FOXN2: variants seen among roughly 807,000 people sequenced by gnomAD.
The protein encoded by FOXN2 is forkhead box protein N2.
Under a neutral mutation model 41.2 loss-of-function variants are expected in FOXN2, and 19 were observed. The ratio of observed to expected loss-of-function variants is 0.46; its 90% CI spans 0.32 to 0.68. The LOEUF (loss-of-function observed/expected upper bound fraction) is 0.68, where lower values mean the gene tolerates loss of function less well. Ranked by LOEUF, FOXN2 falls within the 30% of genes least tolerant of loss-of-function variation. The probability of loss-of-function intolerance (pLI) is 0.03; values close to 1 mark genes in which losing one functional copy is unlikely to be tolerated. For synonymous variants in FOXN2, 195 were observed against 176.8 expected, an observed-to-expected ratio of 1.10 and a Z score of -0.82; for missense variants, 587 against 509.4, an observed-to-expected ratio of 1.15 and a Z score of -1.47.
intron 4 of FOXN2, among the ~76,000 whole-genome samples, chr2:48,362,358 G>A (rs1010660930): frequency 2.6e-5 from 4 of 152,144 alleles, no homozygotes; most frequent in Non-Finnish European, 5.9e-5. Flanking sequence ...TTGAGCCCAG[G>A]AGTTTGAGAC....
At chr2:48,316,872 T>C (rs1455902168) in intron 1 of FOXN2, among the ~76,000 whole-genome samples, 1 of 152,184 alleles carries the variant, frequency 6.6e-6, no homozygotes, top group Non-Finnish European at 1.5e-5. Flanking sequence ...GCACAAGAAC[T>C]GTATAGAGAA....
intron 5 of FOXN2, among the ~76,000 whole-genome samples, chr2:48,367,162 C>T (rs72820435): frequency 6.6e-6 from 1 of 152,172 alleles, no homozygotes; most frequent in Non-Finnish European, 1.5e-5. Flanking sequence ...TAATAGATAG[C>T]AGGAGACACA....
At chr2:48,350,137 C>T (rs777648023) in intron 3 of FOXN2, among the ~76,000 whole-genome samples, 1 of 152,228 alleles carries the variant, frequency 6.6e-6, no homozygotes, top group African/African-American at 2.4e-5. Context: ...CTTCAGTTGC[C>T]ATTTATCCAC....
intron 2 of FOXN2, among the ~76,000 whole-genome samples, chr2:48,338,534 C>G (rs981258224): frequency 1.3e-5 from 2 of 151,926 alleles, no homozygotes; most frequent in Non-Finnish European, 2.9e-5. Context: ...CCCCAGCAGC[C>G]GGGACCACAG....
At chr2:48,363,660 T>G (rs891943812) in intron 5 of FOXN2, among the ~76,000 whole-genome samples, 5 of 152,244 alleles carry the variant, frequency 3.3e-5, no homozygotes, top group Non-Finnish European at 5.9e-5. Context: ...CCCCCTTTTT[T>G]GTTCCCTGGC....
intron 3 of FOXN2, among the ~76,000 whole-genome samples, chr2:48,353,411 T>G (rs1216668962): frequency 6.6e-6 from 1 of 152,200 alleles, no homozygotes; most frequent in Non-Finnish European, 1.5e-5. Flanking sequence ...TGCTTTTTTG[T>G]ACTCATTTTG....
intron 3 of FOXN2, among the ~76,000 whole-genome samples, chr2:48,347,620 A>G (rs900734873): frequency 1.3e-5 from 2 of 152,062 alleles, no homozygotes; most frequent in Admixed American, 1.3e-4. Flanking sequence ...AGTGGTTGCT[A>G]TATGGTTTTC....
chr2:48,344,409 T>C (rs1230795254), intron 2 of FOXN2, among the ~76,000 whole-genome samples: 1 of 152,230 alleles, frequency 6.6e-6, no homozygotes, highest in Non-Finnish European at 1.5e-5. Flanking sequence ...ATGGGTGTTG[T>C]GTACATACTG....
Position 48,346,726 on chromosome 2 carries a change from A to G in FOXN2, c.512A>G (p.Gln171Arg), listed in dbSNP as rs1671128262. Residue 171 changes from glutamine (Q) to arginine (R), a missense_variant, in exon 3 of 7, where the codon CAG becomes CGG. By Grantham distance (43) the Gln-to-Arg change is conservative (BLOSUM62 1). Coordinates refer to ENST00000340553, the MANE Select transcript of FOXN2 (RefSeq NM_002158.4). Reference protein sequence around the residue: ...RHNLSLNKCFQKVERSHGKVN... With the variant: ...RHNLSLNKCFRKVERSHGKVN... The stretch of plus-strand genomic sequence containing the variant: ...AATCTGTCCCTGAATAAATGTTTTC[A>G]GAAAGTGGAAAGAAGCCATGGCAAG... The G allele has an allele frequency of 6.3e-7, 1 of 1,594,194 alleles. No homozygotes were observed. The highest frequency in any genetic ancestry group is 8.5e-7 in the Non-Finnish European group (1 of 1,173,156).
intron 3 of FOXN2, among the ~76,000 whole-genome samples, chr2:48,357,280 T>G (rs1437185536): frequency 6.6e-6 from 1 of 152,182 alleles, no homozygotes; most frequent in Non-Finnish European, 1.5e-5. Flanking sequence ...TCTACTGTGA[T>G]CAAAACAATT....
intron 5 of FOXN2, among the ~76,000 whole-genome samples, chr2:48,371,112 AG>A (rs1474313619): frequency 2.0e-5 from 3 of 151,616 alleles, no homozygotes; most frequent in Admixed American, 2.0e-4. Flanking sequence ...CCACTGGCGG[AG>A]GGGGTGGGGC....
chr2:48,339,190 C>G (rs1270894514), intron 2 of FOXN2, among the ~76,000 whole-genome samples: 1 of 152,060 alleles, frequency 6.6e-6, no homozygotes, highest in Non-Finnish European at 1.5e-5. Context: ...CTGGGAAATG[C>G]AAATTAAAAC....
chr2:48,316,425 ATTTC>A (rs1668923580), intron 1 of FOXN2, among the ~76,000 whole-genome samples: 1 of 152,114 alleles, frequency 6.6e-6, no homozygotes, highest in South Asian at 2.1e-4. Context: ...CATTATCTGG[ATTTC>A]TTTTTGATAG....
intron 5 of FOXN2, 69 bp from the exon 6 acceptor site, chr2:48,373,223 G>C (rs1393740842): frequency 2.8e-6 from 3 of 1,057,896 alleles, no homozygotes; most frequent in East Asian, 2.5e-5. Flanking sequence ...ATCTTCAGGG[G>C]CATGCAAATA....
intron 2 of FOXN2, among the ~76,000 whole-genome samples, chr2:48,345,461 A>T (rs934989992): frequency 6.6e-6 from 1 of 152,126 alleles, no homozygotes; most frequent in South Asian, 2.1e-4. Flanking sequence ...ATAATAATGT[A>T]TATTTCAAAA....
chr2:48,322,979 C>T (rs914221206), intron 1 of FOXN2, among the ~76,000 whole-genome samples: 2 of 150,656 alleles, frequency 1.3e-5, no homozygotes, highest in African/African-American at 2.4e-5. Context: ...TTATACTGTG[C>T]TAGGAATAAG....
chr2:48,368,779 C>A (rs78919694), intron 5 of FOXN2, among the ~76,000 whole-genome samples: 11,392 of 152,190 alleles, frequency 0.075, 598 homozygotes, highest in Non-Finnish European at 0.11. Context: ...TGCTTTTGTT[C>A]CACAAAGTTC....
intron 1 of FOXN2, among the ~76,000 whole-genome samples, chr2:48,325,794 TG>T (rs1202270999): frequency 6.6e-6 from 1 of 151,032 alleles, no homozygotes; most frequent in Non-Finnish European, 1.5e-5. Context: ...AGAGTAGAAC[TG>T]GGGCCCCTCC....
chr2:48,320,693 A>G (rs1263141556), intron 1 of FOXN2, among the ~76,000 whole-genome samples: 15 of 152,214 alleles, frequency 9.9e-5, no homozygotes, highest in Admixed American at 8.5e-4. Flanking sequence ...AATCTCTCAG[A>G]CTTGAAAAAA....
Sources: allele counts gnomAD v4.1 joint callset (sites outside exome capture counted in the v4.1 genomes callset), GRCh38; gene constraint gnomAD v4.1.1; transcripts MANE v1.5; gene names NCBI Gene and HGNC (gene_info 2026-07-23, HGNC 2026-07-21).